Variants in LRRC4C observed in about 807,000 individuals in gnomAD.
LRRC4C encodes leucine rich repeat containing 4C.
In LRRC4C, 5 loss-of-function variants were observed where a neutral mutation model predicts 33.6. The ratio of observed to expected loss-of-function variants is 0.15; its 90% CI spans 0.08 to 0.31. The LOEUF (loss-of-function observed/expected upper bound fraction) is 0.31, where lower values mean the gene tolerates loss of function less well. Ranked by LOEUF, LRRC4C falls within the 10% of genes least tolerant of loss-of-function variation. The pLI is 1.00. For synonymous variants in LRRC4C, 329 were observed against 302.0 expected (o/e 1.09, Z -0.93); for missense variants, 560 against 796.7 (o/e 0.70, Z 3.58).
chr11:40,571,994 CA>C lies in LRRC4C; in HGVS notation c.-270+76147del, dbSNP rs375843331. On this transcript the variant is annotated intron_variant, in intron 3 of 6. Coordinates refer to ENST00000528697, the MANE Select transcript of LRRC4C (RefSeq NM_001258419.2). ...TACTATCCAGAACCCTAACTCCTTC[CA>C]AAGAATATTACCACAGGGTTTCCGT... is the stretch of plus-strand genomic sequence containing the variant. 2.8e-3 allele frequency among the ~76,000 whole-genome samples: 433 copies of C among 152,214 alleles called. 1 individual carries two copies. Among genetic ancestry groups the C allele is most frequent in the African/African-American group, 9.9e-3 (413 of 41,554 alleles).
intron 2 of LRRC4C, among the ~76,000 whole-genome samples, chr11:40,762,658 G>GATGC (rs1339328642): frequency 6.6e-6 from 1 of 152,100 alleles, no homozygotes; most frequent in Non-Finnish European, 1.5e-5. Context: ...CTTTGTATGA[G>GATGC]ATGCATACCT....
intron 3 of LRRC4C, among the ~76,000 whole-genome samples, chr11:40,482,955 T>C (rs1953665253): frequency 6.6e-6 from 1 of 152,196 alleles, no homozygotes; most frequent in Non-Finnish European, 1.5e-5. Context: ...TAAACTTTTA[T>C]AACATCTCCA....
chr11:41,404,116 G>A (rs1260222785), intron 1 of LRRC4C, among the ~76,000 whole-genome samples: 1 of 152,046 alleles, frequency 6.6e-6, no homozygotes, highest in Non-Finnish European at 1.5e-5. Flanking sequence ...ATTTATTTCA[G>A]TATGTGACAA....
intron 5 of LRRC4C, among the ~76,000 whole-genome samples, chr11:40,149,313 C>T (rs1413420430): frequency 2.6e-5 from 4 of 152,170 alleles, no homozygotes; most frequent in Non-Finnish European, 4.4e-5. Context: ...TCTTCCTGTT[C>T]ATGAGCATGG....
At chr11:41,234,489 T>G (rs1947935905) in intron 1 of LRRC4C, among the ~76,000 whole-genome samples, 1 of 152,018 alleles carries the variant, frequency 6.6e-6, no homozygotes, top group African/African-American at 2.4e-5. Context: ...CTAACTGAAA[T>G]TTTGTATTCT....
intron 2 of LRRC4C, among the ~76,000 whole-genome samples, chr11:40,755,938 G>A (rs1023979616): frequency 3.9e-5 from 6 of 151,972 alleles, no homozygotes; most frequent in African/African-American, 9.7e-5. Flanking sequence ...TTAGCAATAC[G>A]GCCTTTAAAG....
intron 2 of LRRC4C, among the ~76,000 whole-genome samples, chr11:40,806,117 C>T (rs76078371): frequency 0.015 from 2,257 of 152,214 alleles, 48 homozygotes; most frequent in African/African-American, 0.052. Context: ...AAAAATGTTA[C>T]GACTGTTGTC....
chr11:41,013,734 T>C (rs1855381012), intron 1 of LRRC4C, among the ~76,000 whole-genome samples: 1 of 152,178 alleles, frequency 6.6e-6, no homozygotes, highest in Non-Finnish European at 1.5e-5. Context: ...CTCACACTGC[T>C]ATAAAGAAAT....
intron 3 of LRRC4C, among the ~76,000 whole-genome samples, chr11:40,614,312 C>T (rs1018360408): frequency 2.0e-5 from 3 of 151,864 alleles, no homozygotes; most frequent in Non-Finnish European, 2.9e-5. Flanking sequence ...TGCTGCTTCA[C>T]CTTGCATTCC....
At chr11:40,321,354 A>G (rs551501046) in intron 3 of LRRC4C, among the ~76,000 whole-genome samples, 23 of 152,326 alleles carry the variant, frequency 1.5e-4, no homozygotes, top group Middle Eastern at 3.4e-3. Context: ...GGCATATCAG[A>G]TTTGTTTGCT....
chr11:40,318,012 G>A (rs896754406), intron 4 of LRRC4C, among the ~76,000 whole-genome samples: 2 of 151,970 alleles, frequency 1.3e-5, no homozygotes. Flanking sequence ...TAAGTTTTTA[G>A]TGTCAAATTA....
At chr11:40,784,367 C>T (rs1484929602) in intron 2 of LRRC4C, among the ~76,000 whole-genome samples, 1 of 152,128 alleles carries the variant, frequency 6.6e-6, no homozygotes, top group Admixed American at 6.6e-5. Flanking sequence ...AATAAAGTTC[C>T]GTCCTACCTC....
chr11:40,426,174 C>A (rs183669134), intron 3 of LRRC4C, among the ~76,000 whole-genome samples: 1 of 151,954 alleles, frequency 6.6e-6, no homozygotes, highest in South Asian at 2.1e-4. Context: ...CCACTATGCC[C>A]GGCTAATTTT....
At chr11:40,440,508 A>G (rs886687850) in intron 3 of LRRC4C, among the ~76,000 whole-genome samples, 2 of 152,090 alleles carry the variant, frequency 1.3e-5, no homozygotes, top group Admixed American at 1.3e-4. Context: ...ATTTCTCACA[A>G]TCCCTCCTAC....
chr11:40,962,469 G>A (rs1224188594), intron 1 of LRRC4C, among the ~76,000 whole-genome samples: 2 of 151,694 alleles, frequency 1.3e-5, no homozygotes, highest in Non-Finnish European at 3.0e-5. Context: ...CCTGGTCTAG[G>A]ATTTAGTGTA....
intron 1 of LRRC4C, among the ~76,000 whole-genome samples, chr11:40,959,222 A>T (rs117797552): frequency 0.013 from 1,920 of 151,766 alleles, 19 homozygotes; most frequent in Non-Finnish European, 0.019. Context: ...TAAGTATACC[A>T]TCAATAAAGA....
chr11:40,984,359 AGAAAAAAGAAAG>A (rs1297152714), intron 1 of LRRC4C, among the ~76,000 whole-genome samples: 6 of 100,584 alleles, frequency 6.0e-5, no homozygotes, highest in Admixed American at 4.1e-4. Flanking sequence ...AGAGAAAGAA[AGAAAAAAGAAAG>A]AAAGAAAGAA....
intron 3 of LRRC4C, among the ~76,000 whole-genome samples, chr11:40,378,316 G>A (rs1252280382): frequency 1.3e-5 from 2 of 151,878 alleles, no homozygotes; most frequent in South Asian, 2.1e-4. Flanking sequence ...TTCATCATGG[G>A]AAGCCTTCAG....
intron 2 of LRRC4C, among the ~76,000 whole-genome samples, chr11:40,713,478 C>T (rs1304001932): frequency 2.0e-5 from 3 of 152,096 alleles, no homozygotes; most frequent in African/African-American, 4.8e-5. Flanking sequence ...ATTAGAAGCC[C>T]GCTTCTGCCA....
Sources: allele counts gnomAD v4.1 joint callset (sites outside exome capture counted in the v4.1 genomes callset), GRCh38; gene constraint gnomAD v4.1.1; transcripts MANE v1.5; gene names NCBI Gene and HGNC (gene_info 2026-07-23, HGNC 2026-07-21).